The following GTPBP4 variants were observed in gnomAD, a reference collection of about 807,000 sequenced individuals.
The protein encoded by GTPBP4 is GTP-binding protein 4.
A neutral mutation model predicts 81.7 loss-of-function variants in GTPBP4; 15 were observed. That is an observed-to-expected ratio of 0.18 (90% confidence interval 0.12 to 0.28). GTPBP4 has a LOEUF of 0.28. Among genes scored for constraint, GTPBP4 ranks in the 10% least tolerant of loss-of-function variants. The pLI is 1.00. For missense variants in GTPBP4, 847 were observed against 793.8 expected (o/e 1.07, Z -0.81); for synonymous variants, 272 against 274.6 (o/e 0.99, Z 0.09).
At chr10:1,002,928 A>G (rs61833304) in intron 8 of GTPBP4, among the ~76,000 whole-genome samples, 76,205 of 151,950 alleles carry the variant, frequency 0.5, 19,413 homozygotes, top group South Asian at 0.6. Context: ...GAATTCTTGA[A>G]CTTCCTGGTT....
Position 1,017,153 on chromosome 10 carries a change from A to G in GTPBP4, c.1831A>G (p.Arg611Gly). The change falls in exon 17 of 17, where the codon AGA (arginine) becomes GGA (glycine). Residue 611 changes from arginine to glycine, a missense_variant. Physicochemically the swap from Arg to Gly is moderately radical, Grantham distance 125. Transcript: ENST00000360803. Reference protein sequence around the residue: ...NRLGKKGEADRHVFDMKPKHL... With the variant: ...NRLGKKGEADGHVFDMKPKHL... ...GTTGGGGAAGAAAGGGGAGGCGGAT[A>G]GACACGTGTTTGATATGAAGCCCAA... The G allele has an allele frequency of 6.2e-7, 1 of 1,613,878 alleles. No homozygotes were observed. Among genetic ancestry groups the G allele is most frequent in the Non-Finnish European group, 8.5e-7 (1 of 1,179,710 alleles).
Position 1,017,579 on chromosome 10 carries a change from C to T in GTPBP4, c.*352C>T, listed in dbSNP as rs113359405. 2.6e-3 allele frequency: 476 copies of T among 182,762 alleles called. 3 individuals are homozygous for T. The highest frequency in any genetic ancestry group is 9.9e-3 in the African/African-American group (423 of 42,788). 11.3% of individuals were successfully genotyped at this position (182,762 alleles called of 1,614,324 possible). A position where few individuals can be genotyped will look rare whatever the true frequency, so the allele number is the denominator to read the frequency against. On this transcript the variant is annotated 3_prime_UTR_variant, in exon 17 of 17. Transcript: ENST00000360803. Reference sequence around the variant, plus strand: ...GGAGCAAACACGTTTATGAGTGTGTCGGAATCCCGTGCTTAAAATACGCTC... The same window carrying T: ...GGAGCAAACACGTTTATGAGTGTGTTGGAATCCCGTGCTTAAAATACGCTC...
chr10:1,009,155 G>A, intron 11 of GTPBP4, 120 bp downstream of exon 11: 1 of 700,014 alleles, frequency 1.4e-6, no homozygotes, highest in East Asian at 2.7e-5. Context: ...GCCCCGTCAG[G>A]CTGCGGACAC....
chr10:1,018,766 C>T lies in GTPBP4; in HGVS notation c.*1539C>T, dbSNP rs1036174620. Reference sequence around the variant, plus strand: ...GAGCTTGCAGTGAGCCAAGATCGCACCACTGCACTCCAGCCTGGTCGACAG... The same window carrying T: ...GAGCTTGCAGTGAGCCAAGATCGCATCACTGCACTCCAGCCTGGTCGACAG... On this transcript the variant is annotated 3_prime_UTR_variant, in exon 17 of 17. Coordinates refer to ENST00000360803, the MANE Select transcript of GTPBP4 (RefSeq NM_012341.3). 6.7e-6 allele frequency: 1 copy of T among 149,980 alleles called. No individual in the cohort carries two copies. The highest frequency in any genetic ancestry group is 1.5e-5 in the Non-Finnish European group (1 of 67,768). The allele number at this position is 149,980 out of a possible 1,614,324, so 9.3% of individuals were successfully genotyped here.
rs1183200946 is a variant in GTPBP4, at chr10:1,019,682, GT to G, written c.*2456del. The G allele has an allele frequency of 6.2e-7, 1 of 1,613,914 alleles. No homozygotes were observed. Among genetic ancestry groups the G allele is most frequent in the East Asian group, 2.2e-5 (1 of 44,850 alleles). On this transcript the variant is annotated 3_prime_UTR_variant, in exon 17 of 17. Transcript: ENST00000360803. ...GCTCCCACAGCTCCTCCTGGGACAGGTAGAGGATGCTTTTCGTTTCACTGGG... is the reference window on the plus strand; with the variant it reads ...GCTCCCACAGCTCCTCCTGGGACAGGAGAGGATGCTTTTCGTTTCACTGGG...
intron 12 of GTPBP4, 122 bp from the exon 13 acceptor site, chr10:1,010,298 C>T (rs765358988): frequency 9.3e-5 from 59 of 637,056 alleles, no homozygotes; most frequent in Admixed American, 8.1e-4. Context: ...TGGAATTGCA[C>T]GTCGTGCTCT....
chr10:989,050 G>GA (rs1831394800), intron 1 of GTPBP4: 1 of 151,650 alleles, frequency 6.6e-6, no homozygotes, highest in African/African-American at 2.4e-5. Flanking sequence ...AGTAGGCCCA[G>GA]ACTAAATTTT....
chr10:988,606 C>T (rs1831383947), intron 1 of GTPBP4, 79 bp downstream of exon 1: 3 of 1,099,310 alleles, frequency 2.7e-6, no homozygotes, highest in South Asian at 2.5e-5. Flanking sequence ...GGCCTGTAGC[C>T]GTGGGAGAGC....
intron 15 of GTPBP4, among the ~76,000 whole-genome samples, chr10:1,015,431 A>G (rs1304179856): frequency 0.08 from 3,062 of 38,078 alleles, 491 homozygotes; most frequent in African/African-American, 0.15. Context: ...CTGGGAGTGG[A>G]CCTGGGGTCC....
chr10:1,004,547 A>G (rs1303712971), intron 8 of GTPBP4, among the ~76,000 whole-genome samples: 1 of 152,060 alleles, frequency 6.6e-6, no homozygotes, highest in African/African-American at 2.4e-5. Context: ...GCCCTGGGAT[A>G]CAAGGTACCT....
intron 10 of GTPBP4, 147 bp from the exon 11 acceptor site, chr10:1,008,811 C>T (rs1831798249): frequency 1.4e-6 from 1 of 706,196 alleles, no homozygotes. Context: ...ACTCCTCTCC[C>T]CTAAAATAAT....
At chr10:1,001,206 A>G (rs770398498) in intron 8 of GTPBP4, among the ~76,000 whole-genome samples, 193 bp downstream of exon 8, 3 of 152,248 alleles carry the variant, frequency 2.0e-5, no homozygotes, top group African/African-American at 4.8e-5. Context: ...AAACGAAAAC[A>G]TAAGTTTCTG....
rs1831979914 is a variant in GTPBP4 at position 1,015,858 on chromosome 10, C to T, written c.1714C>T (p.Arg572Ter). 1.2e-6 allele frequency: 2 copies of T among 1,613,566 alleles called. No homozygotes were observed. Among genetic ancestry groups the T allele is most frequent in the South Asian group, 1.1e-5 (1 of 91,074 alleles). Residue 572 changes from arginine (R) to a stop codon, truncating the protein, a stop_gained, in exon 16 of 17, where the codon CGA (arginine) becomes TGA (stop). Transcript: ENST00000360803. LOFTEE classifies it high-confidence loss of function. ...TGTGGCCCGGAGTGGGAGTTGCTCT[C>T]GAACTCCACGTGACGTTTCTGGTCT... Reference protein sequence around the residue: ...SSVARSGSCSRTPRDVSGLRD... With the variant: ...SSVARSGSCS
At chr10:1,000,533 A>G (rs1831608338) in intron 6 of GTPBP4, 144 bp from the exon 7 acceptor site, 3 of 450,970 alleles carry the variant, frequency 6.7e-6, no homozygotes, top group South Asian at 1.5e-4. Flanking sequence ...CACCGCACCC[A>G]GCCCTACTTT....
rs1478124486 is a variant in GTPBP4, at chr10:1,017,565, G to A, written c.*338G>A. ...TTTTGTAAGAGCTGGGAGCAAACAC[G>A]TTTATGAGTGTGTCGGAATCCCGTG... On this transcript the variant is annotated 3_prime_UTR_variant, in exon 17 of 17. Coordinates refer to ENST00000360803, the MANE Select transcript of GTPBP4 (RefSeq NM_012341.3). 4 of 194,494 alleles carry A rather than the reference G, an allele frequency of 2.1e-5. No individual in the cohort carries two copies. Among genetic ancestry groups the A allele is most frequent in the South Asian group, 1.8e-4 (1 of 5,562 alleles). 12.0% of individuals were successfully genotyped at this position (194,494 alleles called of 1,614,324 possible). A position where few individuals can be genotyped will look rare whatever the true frequency, so the allele number is the denominator to read the frequency against.
intron 10 of GTPBP4, 160 bp downstream of exon 10, chr10:1,007,288 G>C (rs1401731752): frequency 1.7e-6 from 1 of 578,036 alleles, no homozygotes; most frequent in Non-Finnish European, 3.1e-6. Context: ...GGATCGAGAA[G>C]GTGAAGAAAG....
intron 15 of GTPBP4, 140 bp downstream of exon 15, chr10:1,014,452 C>T (rs1250326567): frequency 1.6e-5 from 9 of 566,646 alleles, no homozygotes; most frequent in South Asian, 5.3e-5. Context: ...GTCAGGGGTT[C>T]GAGACCAGCC....
intron 9 of GTPBP4, among the ~76,000 whole-genome samples, 155 bp downstream of exon 9, chr10:1,006,062 GAC>G (rs1831724422): frequency 6.6e-6 from 1 of 152,352 alleles, no homozygotes; most frequent in South Asian, 2.1e-4. Flanking sequence ...GGGGCGTGAA[GAC>G]AGACCCTTCT....
At position 1,017,253 on chromosome 10, in the gene GTPBP4, C is replaced by T. The variant is rs371888406; in HGVS notation, c.*26C>T. 7 of 1,604,150 alleles carry T rather than the reference C, an allele frequency of 4.4e-6. No homozygotes were observed. ...TATCCGTTTGGTTGGCGTGGCTTCG[C>T]TAGAGTGTTGCTGTTTATTTCCTGG... On this transcript the variant is annotated 3_prime_UTR_variant, in exon 17 of 17. Coordinates refer to ENST00000360803, the MANE Select transcript of GTPBP4 (RefSeq NM_012341.3).
Sources: allele counts gnomAD v4.1 joint callset (sites outside exome capture counted in the v4.1 genomes callset), GRCh38; gene constraint gnomAD v4.1.1; transcripts MANE v1.5; gene names NCBI Gene and HGNC (gene_info 2026-07-23, HGNC 2026-07-21).